The following NUP35 variants were observed in gnomAD, a reference collection of about 807,000 sequenced individuals.
NUP35 encodes the protein nucleoporin 35, also known as nucleoporin NUP35.
In NUP35, 25 loss-of-function variants were observed where a neutral mutation model predicts 41.5. The observed-to-expected ratio is 0.60, with a 90% CI of 0.44 to 0.84. NUP35 has a LOEUF of 0.84. Ranked by LOEUF, NUP35 falls within the 40% of genes least tolerant of loss-of-function variation. The pLI is 0.00. For missense variants in NUP35, 396 were observed against 396.6 expected (o/e 1.00, Z 0.01); for synonymous variants, 149 against 130.7 (o/e 1.14, Z -0.96).
upstream of NUP35, among the ~76,000 whole-genome samples, chr2:183,121,831 AAAAT>A (rs112143085): frequency 2.6e-5 from 4 of 151,634 alleles, no homozygotes; most frequent in Non-Finnish European, 5.9e-5. Flanking sequence ...ACTACATCTC[AAAAT>A]AAATAAATAA....
intron 4 of NUP35, among the ~76,000 whole-genome samples, chr2:183,148,711 T>C (rs768135918): frequency 1.3e-5 from 2 of 152,142 alleles, no homozygotes; most frequent in Admixed American, 6.6e-5. Context: ...TAGGTTGGAG[T>C]GCAGTGGCAT....
At chr2:183,126,862 A>G (rs7577407) in intron 1 of NUP35, among the ~76,000 whole-genome samples, 4,926 of 152,318 alleles carry the variant, frequency 0.032, 96 homozygotes, top group Non-Finnish European at 0.043. Flanking sequence ...CTTGTCACCT[A>G]GTTGAAAATT....
intron 1 of NUP35, among the ~76,000 whole-genome samples, chr2:183,127,243 T>C (rs922401745): frequency 1.3e-5 from 2 of 152,156 alleles, no homozygotes; most frequent in African/African-American, 4.8e-5. Flanking sequence ...CTAAGTTGGC[T>C]TTATATTAGG....
chr2:183,121,656 AC>A (rs1386548018), upstream of NUP35, among the ~76,000 whole-genome samples: 1 of 151,280 alleles, frequency 6.6e-6, no homozygotes, highest in African/African-American at 2.4e-5. Context: ...ACATGGTAAA[AC>A]CCTGTCTGTA....
chr2:183,156,047 A>G (rs910180510), intron 5 of NUP35, among the ~76,000 whole-genome samples: 1 of 152,114 alleles, frequency 6.6e-6, no homozygotes, highest in Non-Finnish European at 1.5e-5. Context: ...ACTTTTTCCT[A>G]CTGACTTAGG....
At chr2:183,153,139 C>A (rs1685528134) in intron 5 of NUP35, among the ~76,000 whole-genome samples, 1 of 152,062 alleles carries the variant, frequency 6.6e-6, no homozygotes, top group African/African-American at 2.4e-5. Context: ...AAAGACTGGC[C>A]CCCATGAATC....
chr2:183,121,421 A>G (rs1317042860), upstream of NUP35, among the ~76,000 whole-genome samples: 4 of 152,188 alleles, frequency 2.6e-5, no homozygotes, highest in Non-Finnish European at 4.4e-5. Flanking sequence ...GAGGGTTTCA[A>G]TTCTGGGCTT....
chr2:183,133,078 T>A (rs999457699), intron 3 of NUP35, among the ~76,000 whole-genome samples: 4 of 152,198 alleles, frequency 2.6e-5, no homozygotes, highest in African/African-American at 7.2e-5. Flanking sequence ...AATGGATAAT[T>A]TACCAGTTTT....
At chr2:183,148,763 A>G (rs1342872100) in intron 4 of NUP35, among the ~76,000 whole-genome samples, 1 of 152,088 alleles carries the variant, frequency 6.6e-6, no homozygotes, top group Admixed American at 6.6e-5. Context: ...GGCTCCAGTG[A>G]TCCTTCCATC....
intron 5 of NUP35, among the ~76,000 whole-genome samples, chr2:183,152,927 CAT>C (rs1384289689): frequency 1.3e-5 from 2 of 152,138 alleles, no homozygotes; most frequent in East Asian, 3.9e-4. Context: ...CTGATAAAGA[CAT>C]ATCCGAGACT....
At chr2:183,131,703 TAGAA>T (rs1684700757) in intron 3 of NUP35, among the ~76,000 whole-genome samples, 1 of 152,200 alleles carries the variant, frequency 6.6e-6, no homozygotes, top group African/African-American at 2.4e-5. Flanking sequence ...TTTGAAGACT[TAGAA>T]AGAATGTAAG....
intron 5 of NUP35, among the ~76,000 whole-genome samples, chr2:183,157,099 A>G (rs903995629): frequency 7.9e-5 from 12 of 152,362 alleles, no homozygotes; most frequent in South Asian, 2.1e-4. Flanking sequence ...TATATTACAT[A>G]TTAACATACA....
chr2:183,157,403 A>C (rs767967949), intron 5 of NUP35, 41 bp from the exon 6 acceptor site: 3 of 1,379,172 alleles, frequency 2.2e-6, no homozygotes, highest in Non-Finnish European at 3.1e-6. Flanking sequence ...TCACATTGAT[A>C]GTAGAAGCTG....
intron 5 of NUP35, among the ~76,000 whole-genome samples, chr2:183,152,456 C>A (rs955911174): frequency 3.9e-5 from 6 of 152,088 alleles, no homozygotes; most frequent in Non-Finnish European, 2.9e-5. Flanking sequence ...TCCCCCGAGT[C>A]CCCAAAGTCC....
rs370828541 is a variant in NUP35, at chr2:183,136,815, C to T, written c.397+3192C>T. On this transcript the variant is annotated intron_variant, in intron 4 of 8. Transcript: ENST00000295119. ...ATCTTGGAGGCCTCTTTAGGCTGGGCGCAGTGGTTCATGCCAGTAATCCCA... is the reference window on the plus strand; with the variant it reads ...ATCTTGGAGGCCTCTTTAGGCTGGGTGCAGTGGTTCATGCCAGTAATCCCA... Among the ~76,000 whole-genome samples, 240 of 151,914 alleles carry T rather than the reference C, an allele frequency of 1.6e-3. 7 individuals are homozygous for T. In the South Asian group the frequency reaches 0.045, roughly 29 times the overall value.
intron 8 of NUP35, chr2:183,160,113 A>G (rs1448089349): frequency 6.3e-6 from 1 of 158,460 alleles, no homozygotes; most frequent in Non-Finnish European, 1.4e-5. Flanking sequence ...AAAGAAGTTA[A>G]TTATGTTCTT....
chr2:183,124,687 G>A (rs1700124369), intron 1 of NUP35, among the ~76,000 whole-genome samples, 190 bp downstream of exon 1: 1 of 152,200 alleles, frequency 6.6e-6, no homozygotes, highest in African/African-American at 2.4e-5. Flanking sequence ...CTACAAAGGT[G>A]GCGCCGGGAA....
intron 5 of NUP35, among the ~76,000 whole-genome samples, chr2:183,154,789 A>C (rs1044823894): frequency 6.6e-6 from 1 of 151,978 alleles, no homozygotes; most frequent in Non-Finnish European, 1.5e-5. Flanking sequence ...GCAATGCCCC[A>C]CTCTACTGAT....
intron 4 of NUP35, among the ~76,000 whole-genome samples, chr2:183,144,447 AC>A (rs1256570894): frequency 1.3e-5 from 2 of 152,154 alleles, no homozygotes; most frequent in African/African-American, 4.8e-5. Context: ...ACCGCCAGGA[AC>A]CTCTTTTTTC....
Sources: allele counts gnomAD v4.1 joint callset (sites outside exome capture counted in the v4.1 genomes callset), GRCh38; gene constraint gnomAD v4.1.1; transcripts MANE v1.5; gene names NCBI Gene and HGNC (gene_info 2026-07-23, HGNC 2026-07-21).